Variants in GNG4 observed in about 807,000 individuals in gnomAD.
GNG4 encodes guanine nucleotide-binding protein G(I)/G(S)/G(O) subunit gamma-4.
GNG4 carries 4 observed loss-of-function variants against 5.8 expected under a neutral mutation model. That is an observed-to-expected ratio of 0.69 (90% CI 0.34 to 1.57). The LOEUF (loss-of-function observed/expected upper bound fraction) is 1.57, where lower values mean the gene tolerates loss of function less well. Ranked by LOEUF, GNG4 falls within the 40% of genes most tolerant of loss-of-function variation. GNG4 has a pLI of 0.06. For missense variants in GNG4, 96 were observed against 95.1 expected, an observed-to-expected ratio of 1.01 and a Z score of -0.04; for synonymous variants, 29 against 32.9, an observed-to-expected ratio of 0.88 and a Z score of 0.41.
At chr1:235,593,800 G>A (rs1688051120) in intron 2 of GNG4, among the ~76,000 whole-genome samples, 3 of 152,152 alleles carry the variant, frequency 2.0e-5, no homozygotes, top group African/African-American at 4.8e-5. Context: ...GCTGGCTTCA[G>A]GAGTGAAGCC....
intron 1 of GNG4, among the ~76,000 whole-genome samples, chr1:235,622,755 C>T (rs1002281838): frequency 6.6e-6 from 1 of 151,540 alleles, no homozygotes; most frequent in Admixed American, 6.6e-5. Context: ...GTGGTGGACC[C>T]CAGCTACTCA....
At chr1:235,609,229 T>G (rs1412997003) in intron 1 of GNG4, among the ~76,000 whole-genome samples, 1 of 152,212 alleles carries the variant, frequency 6.6e-6, no homozygotes, top group Non-Finnish European at 1.5e-5. Flanking sequence ...TATTCCATGA[T>G]GCAGGTGCAC....
At chr1:235,596,251 CA>C (rs1558490893) in intron 1 of GNG4, among the ~76,000 whole-genome samples, 77 of 146,786 alleles carry the variant, frequency 5.2e-4, no homozygotes, top group African/African-American at 1.9e-3. Flanking sequence ...CACACACACA[CA>C]CCTGGCCGGG....
intron 1 of GNG4, among the ~76,000 whole-genome samples, chr1:235,597,630 A>AT (rs746989867): frequency 0.068 from 2,405 of 35,578 alleles, 137 homozygotes; most frequent in African/African-American, 0.15. Context: ...GTGTGTGTGT[A>AT]TTTTTTTTTT....
chr1:235,579,629 T>C (rs1375802763), intron 3 of GNG4, among the ~76,000 whole-genome samples: 1 of 151,828 alleles, frequency 6.6e-6, no homozygotes, highest in Non-Finnish European at 1.5e-5. Flanking sequence ...GACAGGCAGA[T>C]TACCTGAGGT....
chr1:235,553,196 C>T (rs1686799921), intron 3 of GNG4, among the ~76,000 whole-genome samples: 1 of 152,178 alleles, frequency 6.6e-6, no homozygotes, highest in Admixed American at 6.5e-5. Flanking sequence ...CAAACTGTCC[C>T]CAAGCTCAAG....
chr1:235,640,624 T>C (rs1198290353), intron 1 of GNG4, among the ~76,000 whole-genome samples: 1 of 152,260 alleles, frequency 6.6e-6, no homozygotes, highest in Non-Finnish European at 1.5e-5. Flanking sequence ...AGACAGTCCT[T>C]GCCAAGCTGC....
intron 1 of GNG4, among the ~76,000 whole-genome samples, chr1:235,605,248 C>T (rs753935364): frequency 1.0e-4 from 15 of 150,234 alleles, no homozygotes; most frequent in South Asian, 2.1e-4. Context: ...TGGAGTGCAG[C>T]GGCACGATCC....
chr1:235,577,530 T>G (rs1425046046), intron 3 of GNG4, among the ~76,000 whole-genome samples: 1 of 152,132 alleles, frequency 6.6e-6, no homozygotes, highest in Non-Finnish European at 1.5e-5. Context: ...AACCTCCGCC[T>G]CCTGGGTTCG....
intron 3 of GNG4, among the ~76,000 whole-genome samples, chr1:235,559,551 G>T (rs1048274256): frequency 1.3e-5 from 2 of 152,110 alleles, no homozygotes; most frequent in African/African-American, 4.8e-5. Flanking sequence ...TACTATTCCT[G>T]GTCAGTGTGG....
At chr1:235,622,933 G>A (rs1344881138) in intron 1 of GNG4, among the ~76,000 whole-genome samples, 6 of 148,224 alleles carry the variant, frequency 4.0e-5, no homozygotes, top group East Asian at 4.0e-4. Flanking sequence ...CCAGCTACTC[G>A]GGAGGCTGAG....
At chr1:235,639,560 C>T (rs67385141) in intron 1 of GNG4, among the ~76,000 whole-genome samples, 43 of 39,696 alleles carry the variant, frequency 1.1e-3, no homozygotes, top group East Asian at 0.011. Flanking sequence ...CTTTTTTTTT[C>T]TGAGACAGAG....
chr1:235,592,128 C>CCCCTACGGAATGAATCAG (rs1345510135), intron 2 of GNG4, among the ~76,000 whole-genome samples: 1 of 152,152 alleles, frequency 6.6e-6, no homozygotes, highest in African/African-American at 2.4e-5. Flanking sequence ...GAAACCCGGC[C>CCCCTACGGAATGAATCAG]CCCTACGGAA....
chr1:235,583,787 T>C lies in GNG4; in HGVS notation c.52A>G (p.Lys18Glu), dbSNP rs769314029. The C allele has an allele frequency of 1.9e-6, 3 of 1,614,050 alleles. No homozygotes were observed. Among genetic ancestry groups the C allele is most frequent in the South Asian group, 1.1e-5 (1 of 91,068 alleles). Reference protein sequence around the residue: ...NSTTSISQARKAVEQLKMEAC... With the variant: ...NSTTSISQAREAVEQLKMEAC... ...TCCATCTTTAGCTGCTCCACAGCTT[T>C]CCTGGCTTGGGAGATGCTAGTGGTG... is the stretch of plus-strand genomic sequence containing the variant. Residue 18 changes from lysine (K) to glutamate (E), a missense_variant, in exon 3 of 4, where the codon AAA becomes GAA. Coordinates refer to ENST00000391854, the MANE Select transcript of GNG4 (RefSeq NM_001098722.2).
Position 235,548,024 on chromosome 1 carries a change from A to G in GNG4, c.*4085T>C, listed in dbSNP as rs1214176224. On this transcript the variant is annotated 3_prime_UTR_variant, in exon 4 of 4. Coordinates refer to ENST00000391854, the MANE Select transcript of GNG4 (RefSeq NM_001098722.2). ...GGGGGTGGAGTTGCAGCTCATTCCC[A>G]TTGCAGTCTGGGATTCCATCGTGTG... is the stretch of plus-strand genomic sequence containing the variant. The G allele has an allele frequency of 6.6e-6, 1 of 152,142 alleles. No homozygotes were observed. The highest frequency in any genetic ancestry group is 1.9e-4 in the East Asian group (1 of 5,196). 9.4% of individuals were successfully genotyped at this position (152,142 alleles called of 1,614,324 possible).
At chr1:235,570,962 C>CTTT (rs544210922) in intron 3 of GNG4, among the ~76,000 whole-genome samples, 2 of 104,002 alleles carry the variant, frequency 1.9e-5, no homozygotes, top group Admixed American at 1.1e-4. Flanking sequence ...ATATACATAC[C>CTTT]TTTTTTTTTT....
At chr1:235,581,664 T>G (rs1687640486) in intron 3 of GNG4, among the ~76,000 whole-genome samples, 1 of 151,984 alleles carries the variant, frequency 6.6e-6, no homozygotes, top group South Asian at 2.1e-4. Context: ...GCCAAGCAGA[T>G]ACAGGCATCA....
At chr1:235,586,219 T>C (rs2102944017) in intron 2 of GNG4, among the ~76,000 whole-genome samples, 1 of 152,312 alleles carries the variant, frequency 6.6e-6, no homozygotes, top group Middle Eastern at 3.4e-3. Context: ...TCACGACAAG[T>C]TGGGAGCTTT....
chr1:235,630,395 C>A (rs576415254), intron 1 of GNG4, among the ~76,000 whole-genome samples: 2 of 152,348 alleles, frequency 1.3e-5, no homozygotes, highest in South Asian at 4.1e-4. Context: ...GCCTGTGACT[C>A]AACTACTTGA....
Sources: gnomAD v4.1 joint callset for allele counts (sites outside exome capture counted in the v4.1 genomes callset) on GRCh38, gnomAD v4.1.1 for gene constraint, MANE v1.5 for transcripts, NCBI Gene and HGNC (gene_info 2026-07-23, HGNC 2026-07-21) for gene names.